ZNF736: variants seen among roughly 807,000 people sequenced by gnomAD.
ZNF736 encodes the protein KRAB-containing zinc-finger repressor protein.
In ZNF736, 6 loss-of-function variants were observed where a neutral mutation model predicts 11.7. That is an observed-to-expected ratio of 0.51 (90% CI 0.28 to 1.01). The LOEUF (loss-of-function observed/expected upper bound fraction) is 1.01, where lower values mean the gene tolerates loss of function less well. Ranked by LOEUF, ZNF736 falls within the 50% of genes least tolerant of loss-of-function variation. ZNF736 has a pLI of 0.09. For synonymous variants in ZNF736, 139 were observed against 164.7 expected, an observed-to-expected ratio of 0.84 and a Z score of 1.19; for missense variants, 444 against 496.0, an observed-to-expected ratio of 0.90 and a Z score of 1.00.
At chr7:64,326,680 G>T (rs1789087163) in intron 1 of ZNF736, among the ~76,000 whole-genome samples, 1 of 151,000 alleles carries the variant, frequency 6.6e-6, no homozygotes, top group Non-Finnish European at 1.5e-5. Context: ...TTTTTTTGAT[G>T]TAGGCACTTA....
chr7:64,318,330 T>C (rs576794372), intron 1 of ZNF736, among the ~76,000 whole-genome samples: 19 of 152,140 alleles, frequency 1.2e-4, no homozygotes, highest in African/African-American at 4.6e-4. Flanking sequence ...TTAGCAACAG[T>C]CTACGAGTGT....
chr7:64,320,193 A>G (rs566225139), intron 1 of ZNF736, among the ~76,000 whole-genome samples: 1 of 152,320 alleles, frequency 6.6e-6, no homozygotes, highest in East Asian at 1.9e-4. Flanking sequence ...TTCTGTAATC[A>G]AAACTTCTCC....
At chr7:64,331,777 T>C (rs1474194587) in intron 1 of ZNF736, among the ~76,000 whole-genome samples, 1 of 152,180 alleles carries the variant, frequency 6.6e-6, no homozygotes. Flanking sequence ...GAGACTGCTC[T>C]GCTTGGATTT....
chr7:64,347,007 TC>T lies in ZNF736; in HGVS notation c.227-1082del, dbSNP rs751019678. On this transcript the variant is annotated intron_variant, in intron 3 of 3. Transcript: ENST00000423484. ...ATTGATTTCTGGATATTCTTTTTTT[TC>T]TTTGAGCCATATTATCTTGATGTTT... 1.3e-3 allele frequency among the ~76,000 whole-genome samples: 191 copies of T among 150,304 alleles called. 1 individual carries two copies. Among genetic ancestry groups the T allele is most frequent in the South Asian group, 4.6e-3 (22 of 4,788 alleles).
rs1232832455 is a variant in ZNF736, at chr7:64,356,369, C to G, written c.*7222C>G. Among the ~76,000 whole-genome samples the G allele has an allele frequency of 6.6e-6, 1 of 152,154 alleles. No individual in the cohort carries two copies. Among genetic ancestry groups the G allele is most frequent in the Admixed American group, 6.5e-5 (1 of 15,290 alleles). ...ATTCAGAATGTCACTTTCATAGATA[C>G]TATGAATATCAATTGTCAAGTGTGT... On this transcript the variant is annotated 3_prime_UTR_variant, in exon 4 of 4. Coordinates refer to ENST00000423484, the MANE Select transcript of ZNF736 (RefSeq NM_001170905.3).
At chr7:64,332,534 C>T (rs1174256530) in intron 1 of ZNF736, among the ~76,000 whole-genome samples, 2 of 152,096 alleles carry the variant, frequency 1.3e-5, no homozygotes, top group African/African-American at 2.4e-5. Context: ...CAGCTGTGCA[C>T]GTATTGTCTT....
rs1445023548 is a variant in ZNF736 at position 64,355,819 on chromosome 7, A to T, written c.*6672A>T. 2.3e-5 allele frequency: 4 copies of T among 173,312 alleles called. No homozygotes were observed. The highest frequency in any genetic ancestry group is 2.4e-5 in the African/African-American group (1 of 42,084). 10.7% of individuals were successfully genotyped at this position (173,312 alleles called of 1,614,324 possible). A position where few individuals can be genotyped will look rare whatever the true frequency, so the allele number is the denominator to read the frequency against. On this transcript the variant is annotated 3_prime_UTR_variant, in exon 4 of 4. Coordinates refer to ENST00000423484, the MANE Select transcript of ZNF736 (RefSeq NM_001170905.3). ...TTCTGCCCTGCTTTCCTGGGCTCTCAGAAGTGTAGTTCTGACAGACATTAC... is the reference window on the plus strand; with the variant it reads ...TTCTGCCCTGCTTTCCTGGGCTCTCTGAAGTGTAGTTCTGACAGACATTAC...
chr7:64,354,744 AT>A lies in ZNF736; in HGVS notation c.*5601del, dbSNP rs2115992355. On this transcript the variant is annotated 3_prime_UTR_variant, in exon 4 of 4. Transcript: ENST00000423484. ...TTGTATGTTATTTAGTGTATTTTAT[AT>A]TTTGTTTCAATTAGAGAATGCTATT... is the stretch of plus-strand genomic sequence containing the variant. 6.6e-6 allele frequency: 1 copy of A among 152,258 alleles called. No individual in the cohort carries two copies. Among genetic ancestry groups the A allele is most frequent in the Non-Finnish European group, 1.5e-5 (1 of 68,008 alleles). 9.4% of individuals were successfully genotyped at this position (152,258 alleles called of 1,614,324 possible). A position where few individuals can be genotyped will look rare whatever the true frequency, so the allele number is the denominator to read the frequency against.
chr7:64,322,571 G>C (rs1789016797), intron 1 of ZNF736, among the ~76,000 whole-genome samples: 1 of 152,306 alleles, frequency 6.6e-6, no homozygotes, highest in South Asian at 2.1e-4. Flanking sequence ...GGCTGAGAAT[G>C]TGACAAAAGA....
chr7:64,325,165 T>A (rs569277400), intron 1 of ZNF736, among the ~76,000 whole-genome samples: 2 of 89,910 alleles, frequency 2.2e-5, no homozygotes, highest in East Asian at 5.6e-4. Flanking sequence ...AAAAACCAGT[T>A]GTAAAAAAAA....
rs913843724 is a variant in ZNF736 at position 64,349,582 on chromosome 7, G to A, written c.*435G>A. On this transcript the variant is annotated 3_prime_UTR_variant, in exon 4 of 4. Transcript: ENST00000423484. Reference sequence around the variant, plus strand: ...TTACATTTAAGGTTAGTATTCATATGTGTGGATTGGATTCTGTTATTAGGA... The same window carrying A: ...TTACATTTAAGGTTAGTATTCATATATGTGGATTGGATTCTGTTATTAGGA... The A allele has an allele frequency of 1.3e-5, 2 of 157,254 alleles. No homozygotes were observed. The highest frequency in any genetic ancestry group is 2.8e-5 in the Non-Finnish European group (2 of 71,258). The allele number at this position is 157,254 out of a possible 1,614,324, so 9.7% of individuals were successfully genotyped here. A position where few individuals can be genotyped will look rare whatever the true frequency, so the allele number is the denominator to read the frequency against.
chr7:64,325,383 C>A (rs2100949), intron 1 of ZNF736, among the ~76,000 whole-genome samples: 98,560 of 152,092 alleles, frequency 0.65, 32,912 homozygotes, highest in African/African-American at 0.82. Flanking sequence ...ATAAACTCTA[C>A]AATTGGATTT....
intron 1 of ZNF736, among the ~76,000 whole-genome samples, chr7:64,321,249 A>G (rs1788997471): frequency 6.6e-6 from 1 of 152,206 alleles, no homozygotes; most frequent in Non-Finnish European, 1.5e-5. Flanking sequence ...ATTGAAAATC[A>G]TCCTAACACC....
chr7:64,336,375 G>T lies in ZNF736; in HGVS notation c.120G>T (p.Leu40=). 6.2e-7 allele frequency: 1 copy of T among 1,611,036 alleles called. No homozygotes were observed. The highest frequency in any genetic ancestry group is 8.5e-7 in the Non-Finnish European group (1 of 1,178,710). Reference sequence around the variant, plus strand: ...TGATGTTAGAGAACTATGGAAACCTGGTCTCCTTGGGTGAGAATAACTTCA... The same window carrying T: ...TGATGTTAGAGAACTATGGAAACCTTGTCTCCTTGGGTGAGAATAACTTCA... ...RDVMLENYGN[L]VSLGLAIFKP... Residue 40 remains leucine, a synonymous_variant, in exon 2 of 4, where the codon CTG becomes CTT. Transcript: ENST00000423484.
intron 1 of ZNF736, among the ~76,000 whole-genome samples, chr7:64,320,344 A>C (rs1330047828): frequency 6.6e-6 from 1 of 152,234 alleles, no homozygotes; most frequent in Non-Finnish European, 1.5e-5. Flanking sequence ...GGAGAATGAA[A>C]GCTGTCTATG....
Position 64,320,616 on chromosome 7 carries a change from C to T in ZNF736, c.3+6463C>T, listed in dbSNP as rs148698494. On this transcript the variant is annotated intron_variant, in intron 1 of 3. Transcript: ENST00000423484. ...AAATACATGGTAAGATTTACATCTC[C>T]GAGAGACTGAGAAAAGACTGGAAAA... Among the ~76,000 whole-genome samples, 388 of 152,004 alleles carry T rather than the reference C, an allele frequency of 2.6e-3. 1 individual carries two copies. Among genetic ancestry groups the T allele is most frequent in the African/African-American group, 7.8e-3 (324 of 41,452 alleles).
chr7:64,325,081 C>A (rs1472758245), intron 1 of ZNF736, among the ~76,000 whole-genome samples: 1 of 151,982 alleles, frequency 6.6e-6, no homozygotes, highest in African/African-American at 2.4e-5. Flanking sequence ...TATAGATTAA[C>A]CTCCCTCTTA....
intron 3 of ZNF736, 93 bp from the exon 4 acceptor site, chr7:64,347,997 A>T (rs1789434199): frequency 9.2e-7 from 1 of 1,085,106 alleles, no homozygotes; most frequent in South Asian, 1.8e-5. Flanking sequence ...GTGGTATTTT[A>T]TTATCGTTTT....
chr7:64,334,018 A>T (rs1789211706), intron 1 of ZNF736, among the ~76,000 whole-genome samples: 1 of 152,218 alleles, frequency 6.6e-6, no homozygotes, highest in Admixed American at 6.5e-5. Context: ...ATCTTTGACA[A>T]ACCTGACAAA....
Sources: allele counts gnomAD v4.1 joint callset (sites outside exome capture counted in the v4.1 genomes callset), GRCh38; gene constraint gnomAD v4.1.1; transcripts MANE v1.5; gene names NCBI Gene and HGNC (gene_info 2026-07-23, HGNC 2026-07-21).